The following THRAP3 variants were observed in gnomAD, a reference collection of about 807,000 sequenced individuals.
The protein encoded by THRAP3 is thyroid hormone receptor-associated protein 3.
THRAP3 carries 16 observed loss-of-function variants against 101.0 expected under a neutral mutation model. The ratio of observed to expected loss-of-function variants is 0.16; its 90% CI spans 0.11 to 0.24. THRAP3 has a LOEUF of 0.24. THRAP3 is among the 10% of genes least tolerant of loss of function. The pLI is 1.00. For synonymous variants in THRAP3, 407 were observed against 422.6 expected, an observed-to-expected ratio of 0.96 and a Z score of 0.45; for missense variants, 989 against 1,202.7, an observed-to-expected ratio of 0.82 and a Z score of 2.63.
At chr1:36,234,877 C>G (rs1291705065) in intron 1 of THRAP3, among the ~76,000 whole-genome samples, 2 of 144,276 alleles carry the variant, frequency 1.4e-5, no homozygotes, top group African/African-American at 2.6e-5. Context: ...TGCAGTGGCA[C>G]GATCTTGGCT....
the THRAP3 span, among the ~76,000 whole-genome samples, chr1:36,218,184 G>A: frequency 6.6e-6 from 1 of 151,722 alleles, no homozygotes; most frequent in Non-Finnish European, 1.5e-5. Flanking sequence ...GGCCAACATG[G>A]TGAAACCCTG....
intron 2 of THRAP3, 142 bp from the exon 3 acceptor site, chr1:36,282,391 A>C: frequency 1.6e-6 from 1 of 628,232 alleles, no homozygotes; most frequent in Non-Finnish European, 2.6e-6. Flanking sequence ...GCTAATTAAA[A>C]AAAAATTTTT....
Position 36,301,713 on chromosome 1 carries a change from A to C in THRAP3, c.2646+17A>C. 6.2e-7 allele frequency: 1 copy of C among 1,607,766 alleles called. No individual in the cohort carries two copies. Among genetic ancestry groups the C allele is most frequent in the Non-Finnish European group, 8.5e-7 (1 of 1,176,868 alleles). On this transcript the variant is annotated intron_variant, in intron 11 of 11. Transcript: ENST00000354618. ...TATTACTTGGTATGTGTCTGGGGAT[A>C]ACCAGGAAGGGTTAGAGGGCCTTTG...
intron 2 of THRAP3, among the ~76,000 whole-genome samples, chr1:36,281,886 C>A (rs1250389038): frequency 6.6e-6 from 1 of 152,006 alleles, no homozygotes; most frequent in Non-Finnish European, 1.5e-5. Flanking sequence ...GCCTTACCAA[C>A]AAGGAGAAAC....
intron 1 of THRAP3, chr1:36,225,404 G>A (rs1644950341): frequency 6.6e-6 from 1 of 152,162 alleles, no homozygotes; most frequent in Non-Finnish European, 1.5e-5. Flanking sequence ...GCTATCTTTT[G>A]ATCTTAGGTC....
At position 36,289,412 on chromosome 1, in the gene THRAP3, G is replaced by C. The variant is rs1423820292; in HGVS notation, c.1393G>C (p.Glu465Gln). ...CATAGGTGCAAACAAAAACCAGGAG[G>C]AGGAGAAGTCAGGCAAATGGGAGGG... is the stretch of plus-strand genomic sequence containing the variant. ...KVIGANKNQE[E>Q]EKSGKWEGLV... is the part of the protein sequence containing the mutation. Residue 465 changes from glutamate (E) to glutamine (Q), a missense_variant, in exon 5 of 12, where the codon GAG becomes CAG. Physicochemically the swap from Glu to Gln is conservative, Grantham distance 29 (BLOSUM62 2). Coordinates refer to ENST00000354618, the MANE Select transcript of THRAP3 (RefSeq NM_005119.4). The C allele has an allele frequency of 6.2e-7, 1 of 1,614,232 alleles. No individual in the cohort carries two copies. Among genetic ancestry groups the C allele is most frequent in the South Asian group, 1.1e-5 (1 of 91,084 alleles).
chr1:36,271,489 G>A (rs1028305415), intron 2 of THRAP3, among the ~76,000 whole-genome samples: 1 of 151,752 alleles, frequency 6.6e-6, no homozygotes, highest in African/African-American at 2.4e-5. Context: ...CACCATGTTG[G>A]TCAGGCTAGT....
At chr1:36,296,496 C>T in intron 8 of THRAP3, 87 bp from the exon 9 acceptor site, 1 of 1,097,958 alleles carries the variant, frequency 9.1e-7, no homozygotes, top group Non-Finnish European at 1.3e-6. Context: ...TGCACCCCTC[C>T]ATTGGAGTAA....
upstream of THRAP3, among the ~76,000 whole-genome samples, chr1:36,222,845 TTGGTTCAGCCCCG>T (rs528645276): frequency 2.0e-4 from 31 of 152,318 alleles, no homozygotes; most frequent in African/African-American, 7.5e-4. Flanking sequence ...TAAAATTACA[TTGGTTCAGCCCCG>T]TGGCTCACGC....
At chr1:36,279,901 A>G (rs1485206015) in intron 2 of THRAP3, among the ~76,000 whole-genome samples, 1 of 152,234 alleles carries the variant, frequency 6.6e-6, no homozygotes, top group African/African-American at 2.4e-5. Context: ...AAGGGTGGAC[A>G]CTTGGCATTC....
At chr1:36,227,646 C>T (rs1174307664) in intron 1 of THRAP3, among the ~76,000 whole-genome samples, 1 of 152,078 alleles carries the variant, frequency 6.6e-6, no homozygotes, top group Non-Finnish European at 1.5e-5. Context: ...AATCATTTCA[C>T]AGAAGTATGG....
At chr1:36,236,637 G>T (rs929190959) in intron 1 of THRAP3, among the ~76,000 whole-genome samples, 2 of 152,076 alleles carry the variant, frequency 1.3e-5, no homozygotes, top group Non-Finnish European at 2.9e-5. Context: ...TCTTCTGCCG[G>T]GGCCGGCTAG....
intron 2 of THRAP3, among the ~76,000 whole-genome samples, chr1:36,267,929 T>C (rs12751275): frequency 2.9e-4 from 6 of 20,952 alleles, no homozygotes; most frequent in Admixed American, 9.5e-4. Context: ...CCTGTAATCC[T>C]AGTACTTTGG....
In THRAP3 at chr1:36,252,313, C is replaced by T. The variant is rs372676595; in HGVS notation, c.-134-7069C>T. On this transcript the variant is annotated intron_variant, in intron 1 of 11. Transcript: ENST00000354618. ...GCTAATTGTGTGCTTTTAGTAGAGACGGGGTTTCACCATGTTGGTCAGGCT... is the reference window on the plus strand; with the variant it reads ...GCTAATTGTGTGCTTTTAGTAGAGATGGGGTTTCACCATGTTGGTCAGGCT... Among the ~76,000 whole-genome samples the T allele has an allele frequency of 1.2e-3, 187 of 152,130 alleles. 2 individuals are homozygous for T. The highest frequency in any genetic ancestry group is 8.3e-4 in the South Asian group (4 of 4,814).
At chr1:36,299,995 G>A (rs377737486) in intron 9 of THRAP3, among the ~76,000 whole-genome samples, 10 of 152,242 alleles carry the variant, frequency 6.6e-5, no homozygotes, top group African/African-American at 2.4e-4. Flanking sequence ...GACAATGATA[G>A]GTTACTGACA....
chr1:36,261,261 G>A (rs913789625), intron 2 of THRAP3, among the ~76,000 whole-genome samples: 13 of 151,782 alleles, frequency 8.6e-5, no homozygotes, highest in Admixed American at 6.6e-5. Context: ...GGCCGGGTGC[G>A]GTGGCTCACG....
intron 8 of THRAP3, chr1:36,294,331 T>C: frequency 6.1e-6 from 4 of 659,774 alleles, no homozygotes; most frequent in Non-Finnish European, 7.5e-6. Context: ...GAAATATTCA[T>C]GTCTTAACTT....
At chr1:36,241,060 ATCCGGGCGTGGTGGCAGGTGCCTGTAG>A (rs1392513184) in intron 1 of THRAP3, among the ~76,000 whole-genome samples, 1 of 151,942 alleles carries the variant, frequency 6.6e-6, no homozygotes, top group African/African-American at 2.4e-5. Flanking sequence ...CAAAAAAATT[ATCCGGGCGTGGTGGCAGGTGCCTGTAG>A]TCCCAGCTAC....
intron 1 of THRAP3, among the ~76,000 whole-genome samples, chr1:36,250,256 C>G (rs958449887): frequency 6.6e-6 from 1 of 151,178 alleles, no homozygotes; most frequent in African/African-American, 2.4e-5. Context: ...CTCTGTCGCC[C>G]AGGCTGGAGG....
Sources: gnomAD v4.1 joint callset for allele counts (sites outside exome capture counted in the v4.1 genomes callset) on GRCh38, gnomAD v4.1.1 for gene constraint, MANE v1.5 for transcripts, NCBI Gene and HGNC (gene_info 2026-07-23, HGNC 2026-07-21) for gene names.